TMCO6: variants seen among roughly 807,000 people sequenced by gnomAD.
The protein encoded by TMCO6 is transmembrane and coiled-coil domains 6.
In TMCO6, 47 loss-of-function variants were observed where a neutral mutation model predicts 61.8. That is an observed-to-expected ratio of 0.76 (90% CI 0.60 to 0.97). The LOEUF (loss-of-function observed/expected upper bound fraction) is 0.97. TMCO6 is among the 50% of genes least tolerant of loss of function. TMCO6 has a pLI of 0.00. For synonymous variants in TMCO6, 261 were observed against 254.2 expected, an observed-to-expected ratio of 1.03 and a Z score of -0.25; for missense variants, 557 against 601.6, an observed-to-expected ratio of 0.93 and a Z score of 0.78.
rs945721956 is a variant in TMCO6 at position 140,643,393 on chromosome 5, C to T, written c.807-171C>T. On this transcript the variant is annotated intron_variant, in intron 7 of 11. Coordinates refer to ENST00000394671, the MANE Select transcript of TMCO6 (RefSeq NM_018502.5). Reference sequence around the variant, plus strand: ...TGTATTTCTAATAGAGACGGAGTTTCGCCATGTTGGCCAGGCTGGTCTCAA... The same window carrying T: ...TGTATTTCTAATAGAGACGGAGTTTTGCCATGTTGGCCAGGCTGGTCTCAA... 1.5e-4 allele frequency: 103 copies of T among 691,520 alleles called. No individual in the cohort carries two copies. The East Asian group carries it at 2.3e-3, about 16-fold the overall frequency. The allele number at this position is 691,520 out of a possible 1,614,324, so 42.8% of individuals were successfully genotyped here. A position where few individuals can be genotyped will look rare whatever the true frequency, so the allele number is the denominator to read the frequency against.
At chr5:140,609,647 C>CA in the TMCO6 span, among the ~76,000 whole-genome samples, 77 of 142,130 alleles carry the variant, frequency 5.4e-4, 1 homozygote, top group Admixed American at 6.3e-4. Context: ...TCATACACAC[C>CA]AAAAAAAAAA....
chr5:140,605,986 G>A, the TMCO6 span, among the ~76,000 whole-genome samples: 4 of 151,952 alleles, frequency 2.6e-5, no homozygotes, highest in African/African-American at 4.8e-5. Context: ...TTGGCATATC[G>A]TGTTCAAAAT....
chr5:140,621,989 T>C, the TMCO6 span, among the ~76,000 whole-genome samples: 1 of 152,240 alleles, frequency 6.6e-6, no homozygotes, highest in Non-Finnish European at 1.5e-5. Flanking sequence ...TTAACTATTT[T>C]AATTTCGTCT....
At chr5:140,618,758 C>G in the TMCO6 span, among the ~76,000 whole-genome samples, 18 of 151,986 alleles carry the variant, frequency 1.2e-4, no homozygotes, top group Non-Finnish European at 2.9e-5. Context: ...GCTGGAACAA[C>G]TAGAAATCCA....
the TMCO6 span, among the ~76,000 whole-genome samples, chr5:140,630,308 T>TA: frequency 4.4e-4 from 60 of 135,812 alleles, 1 homozygote; most frequent in East Asian, 7.9e-3. Flanking sequence ...TATTACTCTT[T>TA]AAAAAAAATT....
the TMCO6 span, among the ~76,000 whole-genome samples, chr5:140,629,700 G>A: frequency 2.0e-5 from 3 of 152,122 alleles, no homozygotes; most frequent in East Asian, 1.9e-4. Flanking sequence ...TTGGGAGCCC[G>A]AGGCAGGCAG....
downstream of TMCO6, chr5:140,647,370 G>T: frequency 6.2e-7 from 1 of 1,611,206 alleles, no homozygotes; most frequent in Non-Finnish European, 8.5e-7. Context: ...TCCCTGCGGG[G>T]CCGGAGAGAG....
At position 140,645,330 on chromosome 5, in the gene TMCO6, C is replaced by G. The variant is rs189556993; in HGVS notation, c.*232C>G. The stretch of plus-strand genomic sequence containing the variant: ...TCTGGGGCCCTAGAATCCCTGCCCC[C>G]CCGCCACCCTTCATGTTTGCTTCAG... On this transcript the variant is annotated 3_prime_UTR_variant, in exon 12 of 12. Coordinates refer to ENST00000394671, the MANE Select transcript of TMCO6 (RefSeq NM_018502.5). 16 of 732,232 alleles carry G rather than the reference C, an allele frequency of 2.2e-5. No homozygotes were observed. Among genetic ancestry groups the G allele is most frequent in the Admixed American group, 1.0e-4 (5 of 48,468 alleles). The allele number at this position is 732,232 out of a possible 1,614,324, so 45.4% of individuals were successfully genotyped here.
At chr5:140,633,476 C>T in the TMCO6 span, 2 of 390,996 alleles carry the variant, frequency 5.1e-6, no homozygotes, top group South Asian at 4.5e-5. Context: ...GGATGATCCT[C>T]AGTGCCTTAG....
At chr5:140,642,759 T>C in intron 6 of TMCO6, 88 bp downstream of exon 6, 1 of 1,582,406 alleles carries the variant, frequency 6.3e-7, no homozygotes, top group East Asian at 2.2e-5. Flanking sequence ...CCAAAGCTGT[T>C]GCACATTTTA....
chr5:140,632,601 A>G, the TMCO6 span: 2 of 1,613,956 alleles, frequency 1.2e-6, no homozygotes, highest in Non-Finnish European at 1.7e-6. This position sits in a 1 kb window ranked among gnomAD's most constrained non-coding sequence, Gnocchi z 6.2. Context: ...GGTGCCGGTT[A>G]TCTTTAGGTC....
At chr5:140,647,591 AAT>A, downstream of TMCO6, 1 of 1,608,930 alleles carries the variant, frequency 6.2e-7, no homozygotes, top group Non-Finnish European at 8.5e-7. Context: ...CATCCTTGTT[AAT>A]ATCGAAGTCG....
intron 9 of TMCO6, 56 bp from the exon 10 acceptor site, chr5:140,644,044 G>C: frequency 6.2e-7 from 1 of 1,613,216 alleles, no homozygotes. Flanking sequence ...GAGGTGGGTA[G>C]TATTGACAGG....
the TMCO6 span, among the ~76,000 whole-genome samples, chr5:140,630,216 T>C: frequency 6.6e-6 from 1 of 152,014 alleles, no homozygotes; most frequent in Admixed American, 6.5e-5. Flanking sequence ...GTGGACTCGA[T>C]CTCTTGACCT....
At chr5:140,630,669 A>G in the TMCO6 span, among the ~76,000 whole-genome samples, 2 of 152,224 alleles carry the variant, frequency 1.3e-5, no homozygotes, top group South Asian at 2.1e-4. Context: ...AAATCTCTCA[A>G]CTGGCTGGTT....
the TMCO6 span, among the ~76,000 whole-genome samples, chr5:140,606,132 CCCTT>C: frequency 3.2e-5 from 4 of 123,864 alleles, no homozygotes; most frequent in East Asian, 2.6e-4. Context: ...TTTCCTTTTC[CCCTT>C]CCTTCCTTCC....
chr5:140,647,634 G>C (rs886060016), downstream of TMCO6: 11 of 1,587,038 alleles, frequency 6.9e-6, no homozygotes, highest in African/African-American at 2.7e-5. Flanking sequence ...CAAGTGCTCC[G>C]GTCTGACCAA....
chr5:140,624,827 C>G, the TMCO6 span, among the ~76,000 whole-genome samples: 3 of 151,138 alleles, frequency 2.0e-5, no homozygotes, highest in Non-Finnish European at 2.9e-5. Context: ...TGCACCCAAC[C>G]TCACCATCAT....
At chr5:140,630,923 C>T in the TMCO6 span, among the ~76,000 whole-genome samples, 1 of 152,236 alleles carries the variant, frequency 6.6e-6, no homozygotes, top group Non-Finnish European at 1.5e-5. Flanking sequence ...GTGGCTGCCT[C>T]CTCATTGAAA....
Sources: allele counts gnomAD v4.1 joint callset (sites outside exome capture counted in the v4.1 genomes callset), GRCh38; gene constraint gnomAD v4.1.1; non-coding constraint Gnocchi (gnomAD v3.1); transcripts MANE v1.5; gene names NCBI Gene and HGNC (gene_info 2026-07-23, HGNC 2026-07-21).